GCN1: variants seen among roughly 807,000 people sequenced by gnomAD.
GCN1 encodes stalled ribosome sensor GCN1.
In GCN1, 90 loss-of-function variants were observed where a neutral mutation model predicts 288.4. That is an observed-to-expected ratio of 0.31 (90% CI 0.26 to 0.37). The LOEUF (loss-of-function observed/expected upper bound fraction) is 0.37. Ranked by LOEUF, GCN1 falls within the 10% of genes least tolerant of loss-of-function variation. The pLI is 1.00. For missense variants in GCN1, 2,586 were observed against 3,419.9 expected, an observed-to-expected ratio of 0.76 and a Z score of 6.08; for synonymous variants, 1,386 against 1,420.2, an observed-to-expected ratio of 0.98 and a Z score of 0.54.
At position 120,151,164 on chromosome 12, in the gene GCN1, C is replaced by A; in HGVS notation, c.4290G>T (p.Lys1430Asn). ...GCTCACCCTCTCGCCGGCGGAAGTT[C>A]TTCTTATCTTGGATGGCATCAGTCA... is the stretch of plus-strand genomic sequence containing the variant. ...AALTDAIQDK[K>N]NFRRREGALF... is the part of the protein sequence containing the mutation. The change falls in exon 34 of 58, where the codon AAG becomes AAT. Residue 1430 changes from lysine to asparagine, a missense_variant. This residue lies in a region of GCN1 where 371 missense variants were observed against 572.6 expected (regional missense o/e 0.65). Coordinates refer to ENST00000300648, the MANE Select transcript of GCN1 (RefSeq NM_006836.2). The A allele has an allele frequency of 6.2e-7, 1 of 1,613,770 alleles. No individual in the cohort carries two copies. The highest frequency in any genetic ancestry group is 8.5e-7 in the Non-Finnish European group (1 of 1,179,974).
In GCN1 at chr12:120,177,478, G is replaced by C. The variant is rs757129409; in HGVS notation, c.807C>G (p.Ser269=). 1.2e-6 allele frequency: 2 copies of C among 1,604,540 alleles called. No homozygotes were observed. The highest frequency in any genetic ancestry group is 1.7e-6 in the Non-Finnish European group (2 of 1,171,398). Residue 269 remains serine, a synonymous_variant, in exon 9 of 58, where the codon TCC becomes TCG. Coordinates refer to ENST00000300648, the MANE Select transcript of GCN1 (RefSeq NM_006836.2). ...TAACATTCTCTGGACTCCTCAGTAA[G>C]GACTTCTGTATGGTGGGCAGTATCA... The part of the protein sequence containing the change: ...KDLILPTIQK[S]LLRSPENVIE...
rs984594233 is a variant in GCN1 at position 120,146,930 on chromosome 12, A to G, written c.4947+122T>C. On this transcript the variant is annotated intron_variant, in intron 38 of 57. Transcript: ENST00000300648. The stretch of plus-strand genomic sequence containing the variant: ...ACCACAAAATGGCTCATTTCTCCCC[A>G]TAAAAATAATTAGGGACTAACGTCC... 8 of 555,016 alleles carry G rather than the reference A, an allele frequency of 1.4e-5. No homozygotes were observed. In the Admixed American group the frequency reaches 2.2e-4, roughly 15 times the overall value. The allele number at this position is 555,016 out of a possible 1,614,324, so 34.4% of individuals were successfully genotyped here.
intron 18 of GCN1, among the ~76,000 whole-genome samples, 189 bp downstream of exon 18, chr12:120,164,147 A>C (rs73217401): frequency 0.012 from 1,772 of 152,318 alleles, 21 homozygotes; most frequent in Non-Finnish European, 0.015. Flanking sequence ...CATGTGAAAA[A>C]AAGTCTCTGA....
At position 120,155,093 on chromosome 12, in the gene GCN1, G is replaced by C; in HGVS notation, c.3631-53C>G. The C allele has an allele frequency of 6.5e-7, 1 of 1,550,308 alleles. No homozygotes were observed. The highest frequency in any genetic ancestry group is 1.1e-5 in the South Asian group (1 of 89,818). Reference sequence around the variant, plus strand: ...TGCAACGGGCAGATCAATGACCTGGGCACCAGGATTGTGAGGCAGGAAACT... The same window carrying C: ...TGCAACGGGCAGATCAATGACCTGGCCACCAGGATTGTGAGGCAGGAAACT... On this transcript the variant is annotated intron_variant, in intron 30 of 57. Coordinates refer to ENST00000300648, the MANE Select transcript of GCN1 (RefSeq NM_006836.2). This position sits in a 1 kb window ranked among gnomAD's most constrained non-coding sequence, Gnocchi z 4.9.
chr12:120,137,834 T>C lies in GCN1; in HGVS notation c.6394-20A>G, dbSNP rs529982850. ...CATCTCCTGCAAACCACAAGGGACATGTGTGCTGAGCAGGGATCCTCCGGG... is the reference window on the plus strand; with the variant it reads ...CATCTCCTGCAAACCACAAGGGACACGTGTGCTGAGCAGGGATCCTCCGGG... On this transcript the variant is annotated intron_variant, in intron 48 of 57. Transcript: ENST00000300648. This position sits in a 1 kb window ranked among gnomAD's most constrained non-coding sequence, Gnocchi z 5.2. 3 of 1,613,022 alleles carry C rather than the reference T, an allele frequency of 1.9e-6. No homozygotes were observed. The highest frequency in any genetic ancestry group is 2.5e-6 in the Non-Finnish European group (3 of 1,179,062).
intron 1 of GCN1, among the ~76,000 whole-genome samples, chr12:120,192,975 GCAGTGAGTT>G (rs1300850520): frequency 6.6e-6 from 1 of 152,152 alleles, no homozygotes; most frequent in Non-Finnish European, 1.5e-5. Flanking sequence ...GGCAGAGGTT[GCAGTGAGTT>G]CAGATCGTGC....
chr12:120,184,816 G>T lies in GCN1; in HGVS notation c.185+8C>A. 6.3e-7 allele frequency: 1 copy of T among 1,597,828 alleles called. No individual in the cohort carries two copies. ...GCTCCACATATGGGGCCTTTGGCTG[G>T]GACTCACCTATATCGATGCAGAGTC... On this transcript the variant is annotated splice_region_variant and intron_variant, in intron 3 of 57. Coordinates refer to ENST00000300648, the MANE Select transcript of GCN1 (RefSeq NM_006836.2).
chr12:120,165,034 C>T (rs6144899), intron 16 of GCN1, among the ~76,000 whole-genome samples: 4 of 115,078 alleles, frequency 3.5e-5, no homozygotes, highest in Admixed American at 9.1e-5. Context: ...CACACACACA[C>T]ACATATATAT....
rs1876845855 is a variant in GCN1 at position 120,132,081 on chromosome 12, C to A, written c.7318-59G>T. 5.4e-6 allele frequency: 6 copies of A among 1,118,998 alleles called. No individual in the cohort carries two copies. In the South Asian group the frequency reaches 6.6e-5, roughly 12 times the overall value. 69.3% of individuals were successfully genotyped at this position (1,118,998 alleles called of 1,614,324 possible). ...GGGAACAACACCAGCTGTGTGGGAACCAAGGCAGGCAGCTCTAGAGCCCAG... is the reference window on the plus strand; with the variant it reads ...GGGAACAACACCAGCTGTGTGGGAAACAAGGCAGGCAGCTCTAGAGCCCAG... On this transcript the variant is annotated intron_variant, in intron 53 of 57. Coordinates refer to ENST00000300648, the MANE Select transcript of GCN1 (RefSeq NM_006836.2).
intron 1 of GCN1, among the ~76,000 whole-genome samples, chr12:120,192,360 T>G (rs992292872): frequency 2.6e-5 from 4 of 152,232 alleles, no homozygotes; most frequent in African/African-American, 7.2e-5. Context: ...GCCTCCATTT[T>G]GTAAACTCCT....
intron 38 of GCN1, among the ~76,000 whole-genome samples, chr12:120,146,768 A>T (rs1419008548): frequency 6.6e-6 from 1 of 152,188 alleles, no homozygotes; most frequent in East Asian, 1.9e-4. Flanking sequence ...ATTCTTGTCA[A>T]GAGCAAGTAG....
chr12:120,181,629 C>G (rs1306346131), intron 5 of GCN1, among the ~76,000 whole-genome samples: 2 of 151,468 alleles, frequency 1.3e-5, no homozygotes, highest in African/African-American at 4.9e-5. Context: ...CACCTGAGGT[C>G]AGGAGTTCGA....
In GCN1 at chr12:120,176,235, C is replaced by T. The variant is rs371003302; in HGVS notation, c.839-18G>A. 3 of 1,541,928 alleles carry T rather than the reference C, an allele frequency of 1.9e-6. No homozygotes were observed. The highest frequency in any genetic ancestry group is 2.7e-6 in the Non-Finnish European group (3 of 1,114,582). On this transcript the variant is annotated intron_variant, in intron 9 of 57. Coordinates refer to ENST00000300648, the MANE Select transcript of GCN1 (RefSeq NM_006836.2). The stretch of plus-strand genomic sequence containing the variant: ...AGAAATAGCTAAGGGGGACAGAAAG[C>T]ACTGACCATGTCAGTCTAAGCAATA...
chr12:120,160,044 A>C (rs1442764043), intron 23 of GCN1, 21 bp from the exon 24 acceptor site: 2 of 1,611,724 alleles, frequency 1.2e-6, no homozygotes, highest in South Asian at 1.1e-5. Flanking sequence ...AGTTGTCCAG[A>C]AGGCAGGTCA....
At chr12:120,145,763 C>T (rs1300902637) in intron 38 of GCN1, among the ~76,000 whole-genome samples, 1 of 152,146 alleles carries the variant, frequency 6.6e-6, no homozygotes, top group Non-Finnish European at 1.5e-5. Context: ...ATTTTAAATA[C>T]AGAAAATGCC....
At chr12:120,170,962 C>T (rs1156261840) in intron 14 of GCN1, among the ~76,000 whole-genome samples, 2 of 151,106 alleles carry the variant, frequency 1.3e-5, no homozygotes, top group African/African-American at 4.9e-5. Flanking sequence ...GAATTCCAGA[C>T]CAGCCTGACC....
At chr12:120,161,676 GCA>G in intron 21 of GCN1, 93 bp from the exon 22 acceptor site, 1 of 1,006,914 alleles carries the variant, frequency 9.9e-7, no homozygotes, top group Non-Finnish European at 1.6e-6. Context: ...TAGCTGTTAA[GCA>G]CTGTGCACCA....
chr12:120,129,972 C>A (rs570986646), intron 56 of GCN1, among the ~76,000 whole-genome samples: 4 of 152,230 alleles, frequency 2.6e-5, no homozygotes, highest in Non-Finnish European at 5.9e-5. Flanking sequence ...GATGTCATCA[C>A]AGACGAGGCT....
intron 1 of GCN1, among the ~76,000 whole-genome samples, 184 bp downstream of exon 1, chr12:120,194,496 T>C (rs940921570): frequency 6.6e-6 from 1 of 151,914 alleles, no homozygotes; most frequent in Non-Finnish European, 1.5e-5. Flanking sequence ...GCGGTCTGCC[T>C]GCGCCGCCCG....
Sources: allele counts gnomAD v4.1 joint callset (sites outside exome capture counted in the v4.1 genomes callset), GRCh38; gene constraint gnomAD v4.1.1; regional missense constraint gnomAD v4.1.1; non-coding constraint Gnocchi (gnomAD v3.1); transcripts MANE v1.5; gene names NCBI Gene and HGNC (gene_info 2026-07-23, HGNC 2026-07-21).